The following TERF2 variants were observed in gnomAD, a reference collection of about 807,000 sequenced individuals.
TERF2 encodes the protein telomeric repeat-binding factor 2.
In TERF2, 16 loss-of-function variants were observed where a neutral mutation model predicts 56.1. The observed-to-expected ratio is 0.29, with a 90% CI of 0.19 to 0.43. The LOEUF (loss-of-function observed/expected upper bound fraction) is 0.43. Among genes scored for constraint, TERF2 ranks in the 20% least tolerant of loss-of-function variants. The pLI is 1.00. For missense variants in TERF2, 547 were observed against 712.9 expected, an observed-to-expected ratio of 0.77 and a Z score of 2.65; for synonymous variants, 296 against 282.1, an observed-to-expected ratio of 1.05 and a Z score of -0.50.
intron 5 of TERF2, 149 bp from the exon 6 acceptor site, chr16:69,368,631 A>C (rs1197075401): frequency 6.5e-7 from 1 of 1,528,878 alleles, no homozygotes; most frequent in Non-Finnish European, 8.8e-7. Flanking sequence ...ATGGGAGAGA[A>C]CTTGTAAGAC....
In TERF2 at chr16:69,362,021, C is replaced by T. The variant is rs116907369; in HGVS notation, c.1341-532G>A. ...TTTAGGACAATCACCCTAAAATTAC[C>T]ACATGCCTCTTCTATTCCCTAATGG... On this transcript the variant is annotated intron_variant, in intron 7 of 9. Transcript: ENST00000254942. Among the ~76,000 whole-genome samples the T allele has an allele frequency of 6.0e-4, 91 of 151,526 alleles. 3 individuals are homozygous for T. In the East Asian group the frequency reaches 0.014, roughly 23 times the overall value.
intron 5 of TERF2, among the ~76,000 whole-genome samples, chr16:69,369,125 T>TTCTGTCCACGCAC (rs758873262): frequency 6.7e-6 from 1 of 148,288 alleles, no homozygotes; most frequent in African/African-American, 2.5e-5. Context: ...CTTTGTGTTA[T>TTCTGTCCACGCAC]ATAGATAAGG....
chr16:69,358,332 G>C (rs1362175660), intron 8 of TERF2, among the ~76,000 whole-genome samples: 1 of 151,948 alleles, frequency 6.6e-6, no homozygotes, highest in South Asian at 2.1e-4. Flanking sequence ...ATTTTTAGTA[G>C]AGATAGGGTT....
chr16:69,364,722 C>A (rs962518492), intron 7 of TERF2, among the ~76,000 whole-genome samples: 12 of 152,192 alleles, frequency 7.9e-5, no homozygotes, highest in Admixed American at 1.3e-4. Context: ...CCCAGGCCAG[C>A]TCAATGTTTG....
chr16:69,372,259 T>C lies in TERF2; in HGVS notation c.693+10A>G. The C allele has an allele frequency of 6.3e-7, 1 of 1,589,000 alleles. No individual in the cohort carries two copies. Among genetic ancestry groups the C allele is most frequent in the East Asian group, 2.2e-5 (1 of 44,488 alleles). ...TTTAAGTCACAGGAGCAAAAATGTA[T>C]CAAATTTACCTGAGTTGTGGGGTCC... On this transcript the variant is annotated intron_variant, in intron 4 of 9. Transcript: ENST00000254942.
At chr16:69,379,719 T>C (rs142907211) in intron 3 of TERF2, among the ~76,000 whole-genome samples, 1 of 152,158 alleles carries the variant, frequency 6.6e-6, no homozygotes, top group Non-Finnish European at 1.5e-5. Context: ...AAAATAACAA[T>C]AAACTAATTA....
intron 3 of TERF2, 129 bp from the exon 4 acceptor site, chr16:69,372,484 CA>C: frequency 1.6e-6 from 1 of 606,634 alleles, no homozygotes. Context: ...ATTATAAAGC[CA>C]GGCGCGGTGG....
At chr16:69,385,320 G>A in intron 2 of TERF2, 71 bp downstream of exon 2, 2 of 1,329,782 alleles carry the variant, frequency 1.5e-6, no homozygotes, top group Middle Eastern at 1.8e-4. Context: ...GAATCCTTCA[G>A]TTCTAGATAT....
intron 3 of TERF2, among the ~76,000 whole-genome samples, chr16:69,375,891 C>A (rs1435319478): frequency 3.9e-5 from 6 of 151,982 alleles, no homozygotes; most frequent in Non-Finnish European, 7.4e-5. Flanking sequence ...TTTGGGTGAG[C>A]TTTTTGCCCA....
intron 2 of TERF2, 144 bp downstream of exon 2, chr16:69,385,247 G>C: frequency 1.4e-6 from 1 of 690,854 alleles, no homozygotes; most frequent in Non-Finnish European, 2.4e-6. Context: ...AGTCGAGCCA[G>C]AAAACAGACC....
In TERF2 at chr16:69,371,061, G is replaced by GA. The variant is rs796146906; in HGVS notation, c.694-433dup. On this transcript the variant is annotated intron_variant, in intron 4 of 9. Coordinates refer to ENST00000254942, the MANE Select transcript of TERF2 (RefSeq NM_005652.5). ...ATAGAGGATCTTTGAAAGGATAAAAGAAAAAAAAAAAGAAATTGGTTGCCT... is the reference window on the plus strand; with the variant it reads ...ATAGAGGATCTTTGAAAGGATAAAAGAAAAAAAAAAAAGAAATTGGTTGCCT... Among the ~76,000 whole-genome samples the GA allele has an allele frequency of 5.9e-4, 81 of 138,212 alleles. No individual in the cohort carries two copies. In the East Asian group the frequency reaches 7.9e-3, roughly 13 times the overall value. The allele number at this position is 138,212 out of a possible 152,430, so 90.7% of individuals were successfully genotyped here. A position where few individuals can be genotyped will look rare whatever the true frequency, so the allele number is the denominator to read the frequency against.
rs1300651428 is a variant in TERF2, at chr16:69,385,957, G to A, written c.15C>T (p.Ala5=). The change falls in exon 1 of 10, where the codon GCC becomes GCT. Residue 5 remains alanine (A), a synonymous_variant. Transcript: ENST00000254942. ...GGCCGGAAGCGGGGCCCGCCGTCCC[G>A]GCTCCCGCGGCCATGATAGAAACAG... MAAG[A]GTAGPASGPG... 8.8e-6 allele frequency: 12 copies of A among 1,356,320 alleles called. No individual in the cohort carries two copies. The highest frequency in any genetic ancestry group is 2.7e-4 in the Middle Eastern group (1 of 3,672). The allele number at this position is 1,356,320 out of a possible 1,614,324, so 84.0% of individuals were successfully genotyped here.
rs1477323756 is a variant in TERF2, at chr16:69,367,100, T to C, written c.1047A>G (p.Lys349=). 6.2e-7 allele frequency: 1 copy of C among 1,614,100 alleles called. No individual in the cohort carries two copies. Among genetic ancestry groups the C allele is most frequent in the Non-Finnish European group, 8.5e-7 (1 of 1,180,046 alleles). The change falls in exon 7 of 10, where the codon AAA becomes AAG. Residue 349 remains lysine, a synonymous_variant. Transcript: ENST00000254942. The part of the protein sequence containing the change: ...GAQDSEAAFA[K]LDQKDLVLPT... ...GAAGAACCAGATCCTTCTGGTCCAG[T>C]TTTGCAAAGGCTGCCTCAGAATCCT...
intron 3 of TERF2, among the ~76,000 whole-genome samples, chr16:69,373,399 T>C (rs750786893): frequency 1.3e-5 from 2 of 152,072 alleles, no homozygotes; most frequent in East Asian, 1.9e-4. Flanking sequence ...AGTTATAATA[T>C]ATATGAACAT....
In TERF2 at chr16:69,385,951, C is replaced by T. The variant is rs1297932998; in HGVS notation, c.21G>A (p.Thr7=). 15 of 1,361,996 alleles carry T rather than the reference C, an allele frequency of 1.1e-5. No homozygotes were observed. The highest frequency in any genetic ancestry group is 1.4e-5 in the Non-Finnish European group (15 of 1,057,188). 84.4% of individuals were successfully genotyped at this position (1,361,996 alleles called of 1,614,324 possible). A position where few individuals can be genotyped will look rare whatever the true frequency, so the allele number is the denominator to read the frequency against. MAAGAG[T]AGPASGPGVV... ...CGCCCGGGCCGGAAGCGGGGCCCGC[C>T]GTCCCGGCTCCCGCGGCCATGATAG... The change falls in exon 1 of 10, where the codon ACG becomes ACA. Residue 7 remains threonine, a synonymous_variant. Transcript: ENST00000254942.
chr16:69,359,781 C>T (rs1045076797), intron 8 of TERF2, among the ~76,000 whole-genome samples: 3 of 150,848 alleles, frequency 2.0e-5, no homozygotes, highest in Admixed American at 6.6e-5. Context: ...CCACCACACC[C>T]GGCTAATTTC....
Position 69,369,994 on chromosome 16 carries a change from T to A in TERF2, c.840+489A>T, listed in dbSNP as rs527382740. Reference sequence around the variant, plus strand: ...GGCAGATGAGGGAGACCAGGTGTGTTCCATTTGCCTCTGCCAGTATCTCTG... The same window carrying A: ...GGCAGATGAGGGAGACCAGGTGTGTACCATTTGCCTCTGCCAGTATCTCTG... On this transcript the variant is annotated intron_variant, in intron 5 of 9. Transcript: ENST00000254942. Among the ~76,000 whole-genome samples the A allele has an allele frequency of 2.0e-5, 3 of 152,328 alleles. No individual in the cohort carries two copies. The East Asian group carries it at 5.8e-4, about 29-fold the overall frequency.
At chr16:69,381,792 T>G (rs1216671148) in intron 3 of TERF2, among the ~76,000 whole-genome samples, 1 of 152,216 alleles carries the variant, frequency 6.6e-6, no homozygotes, top group Admixed American at 6.5e-5. Flanking sequence ...ATACTTTCTA[T>G]TTCAACACAC....
intron 8 of TERF2, 29 bp downstream of exon 8, chr16:69,361,375 G>C (rs367862121): frequency 5.9e-6 from 9 of 1,516,802 alleles, no homozygotes; most frequent in Admixed American, 3.3e-5. Flanking sequence ...CAAGCATCAA[G>C]AAGAGGCCAA....
Sources: gnomAD v4.1 joint callset for allele counts (sites outside exome capture counted in the v4.1 genomes callset) on GRCh38, gnomAD v4.1.1 for gene constraint, MANE v1.5 for transcripts, NCBI Gene and HGNC (gene_info 2026-07-23, HGNC 2026-07-21) for gene names.